The following PRELID2 variants were observed in gnomAD, a reference collection of about 807,000 sequenced individuals.
PRELID2 encodes PRELI domain-containing protein 2.
In PRELID2, 25 loss-of-function variants were observed where a neutral mutation model predicts 28.4. That is an observed-to-expected ratio of 0.88 (90% CI 0.64 to 1.23). The LOEUF is 1.23. Among genes scored for constraint, PRELID2 ranks in the 50% most tolerant of loss-of-function variants. The pLI, the probability that PRELID2 is intolerant of heterozygous loss-of-function variation, is 0.00. For missense variants in PRELID2, 201 were observed against 214.4 expected, an observed-to-expected ratio of 0.94 and a Z score of 0.39; for synonymous variants, 76 against 71.6, an observed-to-expected ratio of 1.06 and a Z score of -0.31.
the PRELID2 span, among the ~76,000 whole-genome samples, chr5:145,376,614 G>A: frequency 2.6e-5 from 4 of 152,104 alleles, no homozygotes; most frequent in African/African-American, 9.7e-5. Flanking sequence ...TCCTGGTTCA[G>A]TCTTAAGAGG....
At chr5:145,435,262 C>T in the PRELID2 span, among the ~76,000 whole-genome samples, 1 of 152,110 alleles carries the variant, frequency 6.6e-6, no homozygotes, top group Non-Finnish European at 1.5e-5. Context: ...CTCACTAGGT[C>T]AGGAGGTCAG....
At chr5:145,476,347 A>G (rs1489216940) in intron 1 of PRELID2, among the ~76,000 whole-genome samples, 4 of 152,244 alleles carry the variant, frequency 2.6e-5, no homozygotes, top group Admixed American at 6.5e-5. Flanking sequence ...TAAATTTGAA[A>G]GAATTAATTG....
chr5:145,726,191 GAGAA>G lies in PRELID2; in HGVS notation n.70+38736_70+38739del, dbSNP rs1293747926. Among the ~76,000 whole-genome samples, 383 of 123,142 alleles carry G rather than the reference GAGAA, an allele frequency of 3.1e-3. 3 individuals carry two copies. The highest frequency in any genetic ancestry group is 0.011 in the African/African-American group (351 of 33,082). The allele number at this position is 123,142 out of a possible 152,430, so 80.8% of individuals were successfully genotyped here. A position where few individuals can be genotyped will look rare whatever the true frequency, so the allele number is the denominator to read the frequency against. On this transcript the variant is annotated intron_variant and non_coding_transcript_variant, in intron 1 of 2. Coordinates refer to the PRELID2 transcript ENST00000510259. ...CTCAGAAAAGAAAGAAAGAGCAAAA[GAGAA>G]AGAAAGAGCGAAAGAGAGAAGAAAG...
intron 1 of PRELID2, among the ~76,000 whole-genome samples, chr5:145,716,337 T>A (rs1755842596): frequency 6.6e-6 from 1 of 152,140 alleles, no homozygotes; most frequent in Admixed American, 6.6e-5. Flanking sequence ...ATGTTTATCA[T>A]AAAGGAAGAG....
the PRELID2 span, among the ~76,000 whole-genome samples, chr5:145,455,337 T>C: frequency 6.6e-5 from 10 of 152,214 alleles, no homozygotes; most frequent in African/African-American, 2.4e-4. Context: ...ACCGGTACCA[T>C]GCTGTTTTGG....
the PRELID2 span, among the ~76,000 whole-genome samples, chr5:145,360,072 C>T: frequency 6.6e-6 from 1 of 152,154 alleles, no homozygotes; most frequent in Admixed American, 6.6e-5. Context: ...TATCACAAAG[C>T]TGAAGAGACT....
At chr5:145,521,936 T>C (rs1431574966) in intron 1 of PRELID2, among the ~76,000 whole-genome samples, 1 of 152,198 alleles carries the variant, frequency 6.6e-6, no homozygotes, top group Admixed American at 6.5e-5. Context: ...AATTTTAACA[T>C]CATTCAATTT....
chr5:145,614,863 A>G lies in PRELID2; in HGVS notation n.71-141548T>C, dbSNP rs1052998304. On this transcript the variant is annotated intron_variant and non_coding_transcript_variant, in intron 1 of 2. Transcript: ENST00000510259. The stretch of plus-strand genomic sequence containing the variant: ...TGCTCTGGCTAGGACTTCCAATACT[A>G]TGTTGAAGAGGAGTGGTGAGAATGG... Among the ~76,000 whole-genome samples, 8 of 152,120 alleles carry G rather than the reference A, an allele frequency of 5.3e-5. No individual in the cohort carries two copies. In the East Asian group the frequency reaches 7.7e-4, roughly 15 times the overall value.
intron 4 of PRELID2, among the ~76,000 whole-genome samples, chr5:145,810,277 T>C (rs1410656831): frequency 6.6e-6 from 1 of 152,190 alleles, no homozygotes; most frequent in East Asian, 1.9e-4. Flanking sequence ...TAAGGCAAAA[T>C]AGAGCATGAG....
chr5:145,765,875 G>T (rs933643550), intron 5 of PRELID2, among the ~76,000 whole-genome samples: 1 of 152,186 alleles, frequency 6.6e-6, no homozygotes, highest in East Asian at 1.9e-4. Context: ...AACTCAAAGA[G>T]GTTTAAATAA....
At chr5:145,303,597 C>G in the PRELID2 span, among the ~76,000 whole-genome samples, 1 of 152,166 alleles carries the variant, frequency 6.6e-6, no homozygotes, top group Non-Finnish European at 1.5e-5. Flanking sequence ...TATGATTGGG[C>G]AGCCATCTGT....
At chr5:145,433,772 G>A in the PRELID2 span, among the ~76,000 whole-genome samples, 1 of 152,092 alleles carries the variant, frequency 6.6e-6, no homozygotes, top group African/African-American at 2.4e-5. Context: ...TCTGACAACA[G>A]CAACTTCTCT....
At chr5:145,627,097 C>CAAAAAAAAAAAAAAAAAAAAAAAAAAA (rs745309247) in intron 1 of PRELID2, among the ~76,000 whole-genome samples, 1 of 41,806 alleles carries the variant, frequency 2.4e-5, no homozygotes, top group African/African-American at 7.4e-5. Context: ...AAGACTCTCC[C>CAAAAAAAAAAAAAAAAAAAAAAAAAAA]AAAAAAAAAA....
chr5:145,388,713 G>A, the PRELID2 span, among the ~76,000 whole-genome samples: 18 of 151,924 alleles, frequency 1.2e-4, no homozygotes, highest in African/African-American at 3.9e-4. Flanking sequence ...ATTTTCCCTC[G>A]GTGTTAAATC....
chr5:145,348,219 G>C, the PRELID2 span, among the ~76,000 whole-genome samples: 13 of 152,218 alleles, frequency 8.5e-5, no homozygotes, highest in East Asian at 2.3e-3. Flanking sequence ...ATCACATTTT[G>C]CCATTGCCCT....
intron 4 of PRELID2, among the ~76,000 whole-genome samples, chr5:145,801,469 C>G (rs527842115): frequency 1.3e-5 from 2 of 152,286 alleles, no homozygotes; most frequent in Admixed American, 1.3e-4. Context: ...CTCTGAGAAG[C>G]CTACAGAGAG....
chr5:145,382,587 A>C, the PRELID2 span, among the ~76,000 whole-genome samples: 2 of 152,078 alleles, frequency 1.3e-5, no homozygotes, highest in Admixed American at 1.3e-4. Context: ...AAAAGTGTGA[A>C]TATTAAATAT....
At chr5:145,806,756 G>A (rs1230495037) in intron 4 of PRELID2, among the ~76,000 whole-genome samples, 1 of 152,114 alleles carries the variant, frequency 6.6e-6, no homozygotes, top group African/African-American at 2.4e-5. Flanking sequence ...TCTCCTGACA[G>A]TGAGAGAGTT....
the PRELID2 span, among the ~76,000 whole-genome samples, chr5:145,286,714 TTGTTTGTTTG>T: frequency 1.8e-4 from 12 of 65,054 alleles, 1 homozygote; most frequent in African/African-American, 8.2e-4. Flanking sequence ...TTTTTTTTGT[TTGTTTGTTTG>T]TTTTTTTTTT....
Sources: allele counts gnomAD v4.1 joint callset (sites outside exome capture counted in the v4.1 genomes callset), GRCh38; gene constraint gnomAD v4.1.1; transcripts MANE v1.5; gene names NCBI Gene and HGNC (gene_info 2026-07-23, HGNC 2026-07-21).